The following PPM1E variants were observed in gnomAD, a reference collection of about 807,000 sequenced individuals.
PPM1E encodes protein phosphatase, Mg2+/Mn2+ dependent 1E, also known as protein phosphatase 1E.
Under a neutral mutation model 65.9 loss-of-function variants are expected in PPM1E, and 20 were observed. The observed-to-expected ratio is 0.30, with a 90% CI of 0.21 to 0.44. The LOEUF is 0.44. Ranked by LOEUF, PPM1E falls within the 20% of genes least tolerant of loss-of-function variation. The pLI is 1.00. For synonymous variants in PPM1E, 352 were observed against 374.9 expected (o/e 0.94, Z 0.70); for missense variants, 713 against 953.1 (o/e 0.75, Z 3.32).
chr17:58,764,468 GC>G (rs1266891181), intron 1 of PPM1E, among the ~76,000 whole-genome samples: 1 of 152,100 alleles, frequency 6.6e-6, no homozygotes, highest in African/African-American at 2.4e-5. Flanking sequence ...TTGGGAGCCA[GC>G]CTGTTGCCCA....
intron 1 of PPM1E, among the ~76,000 whole-genome samples, chr17:58,771,391 C>T (rs914238534): frequency 2.0e-5 from 3 of 150,786 alleles, no homozygotes; most frequent in African/African-American, 7.3e-5. Flanking sequence ...TTTGGGAGGC[C>T]GAGGCGGGTG....
intron 1 of PPM1E, among the ~76,000 whole-genome samples, chr17:58,898,847 T>C (rs2051458613): frequency 6.6e-6 from 1 of 152,184 alleles, no homozygotes; most frequent in Non-Finnish European, 1.5e-5. Context: ...GATGCGTTCA[T>C]GTCCTTTGTA....
intron 1 of PPM1E, among the ~76,000 whole-genome samples, chr17:58,889,232 A>C (rs1357352936): frequency 6.6e-6 from 1 of 152,140 alleles, no homozygotes; most frequent in African/African-American, 2.4e-5. Flanking sequence ...GGGAGTTCAT[A>C]CAGTATTTGT....
At chr17:58,816,466 G>A (rs2050415637) in intron 1 of PPM1E, among the ~76,000 whole-genome samples, 1 of 151,264 alleles carries the variant, frequency 6.6e-6, no homozygotes, top group Non-Finnish European at 1.5e-5. Context: ...ACAATGTTGT[G>A]TAATCATCAC....
Position 58,980,651 on chromosome 17 carries a change from T to C in PPM1E, c.1888T>C (p.Phe630Leu). The change falls in exon 7 of 7, where the codon TTC becomes CTC. Residue 630 changes from phenylalanine (F) to leucine (L), a missense_variant. Phe to Leu is a conservative substitution (Grantham distance 22, BLOSUM62 0). This residue lies in a region of PPM1E where 286 missense variants were observed against 313.8 expected (regional missense o/e 0.91). Transcript: ENST00000308249. This position sits in a 1 kb window ranked among gnomAD's most constrained non-coding sequence, Gnocchi z 4.7. ...TGGTGCTGGAGAGTTTCCCACTGCT[T>C]TCAATTTGGGTTCAACAGGGGAGCA... ...WSGAGEFPTA[F>L]NLGSTGEQIY... 6.2e-7 allele frequency: 1 copy of C among 1,614,152 alleles called. No individual in the cohort carries two copies. Among genetic ancestry groups the C allele is most frequent in the Non-Finnish European group, 8.5e-7 (1 of 1,180,018 alleles).
intron 1 of PPM1E, among the ~76,000 whole-genome samples, chr17:58,871,207 C>A (rs2051065506): frequency 6.6e-6 from 1 of 151,904 alleles, no homozygotes; most frequent in South Asian, 2.1e-4. Flanking sequence ...TGGCTAATTT[C>A]TTATATATTT....
At chr17:58,826,872 G>A (rs150499647) in intron 1 of PPM1E, among the ~76,000 whole-genome samples, 67 of 151,918 alleles carry the variant, frequency 4.4e-4, no homozygotes, top group African/African-American at 1.4e-3. Flanking sequence ...CTTGTGATCC[G>A]CCCTCCTCAG....
chr17:58,888,841 A>C (rs1459921323), intron 1 of PPM1E, among the ~76,000 whole-genome samples: 2 of 152,312 alleles, frequency 1.3e-5, no homozygotes, highest in Middle Eastern at 3.4e-3. Context: ...AGATAGTTGA[A>C]TGTCATTTAA....
In PPM1E at chr17:58,980,791, G is replaced by T; in HGVS notation, c.2028G>T (p.Lys676Asn). ...CTCATTTACGCCACCACTACTCAAA[G>T]AAGTGGCACAGATTCAGGTTTAATC... Reference protein sequence around the residue: ...RLSHLRHHYSKKWHRFRFNPK... With the variant: ...RLSHLRHHYSNKWHRFRFNPK... Residue 676 changes from lysine (K) to asparagine (N), a missense_variant, in exon 7 of 7, where the codon AAG becomes AAT. Transcript: ENST00000308249. The surrounding 1 kb of genome is among the most constrained non-coding windows in gnomAD (Gnocchi z 4.7). 1 of 1,614,184 alleles carries T rather than the reference G, an allele frequency of 6.2e-7. No homozygotes were observed. Among genetic ancestry groups the T allele is most frequent in the Non-Finnish European group, 8.5e-7 (1 of 1,180,022 alleles).
At chr17:58,816,693 C>G (rs1233716997) in intron 1 of PPM1E, among the ~76,000 whole-genome samples, 2 of 138,846 alleles carry the variant, frequency 1.4e-5, no homozygotes, top group Non-Finnish European at 3.0e-5. Context: ...TTTCACATAG[C>G]ATAATGTTTT....
chr17:58,859,019 A>C (rs1292240469), intron 1 of PPM1E, among the ~76,000 whole-genome samples: 1 of 152,250 alleles, frequency 6.6e-6, no homozygotes, highest in African/African-American at 2.4e-5. Flanking sequence ...CGTTTATTCA[A>C]GTGCGAAACT....
intron 1 of PPM1E, among the ~76,000 whole-genome samples, chr17:58,810,904 C>CTGGA (rs1052553252): frequency 6.6e-6 from 1 of 152,126 alleles, no homozygotes; most frequent in African/African-American, 2.4e-5. Context: ...CTCACCCAGG[C>CTGGA]TGGAGTACAG....
chr17:58,893,652 C>T (rs1219401690), intron 1 of PPM1E, among the ~76,000 whole-genome samples: 3 of 152,076 alleles, frequency 2.0e-5, no homozygotes, highest in African/African-American at 7.2e-5. Flanking sequence ...TTGATTATAA[C>T]AAATGTACCA....
chr17:58,944,851 G>T (rs2052125770), intron 1 of PPM1E, among the ~76,000 whole-genome samples: 3 of 152,076 alleles, frequency 2.0e-5, no homozygotes, highest in Non-Finnish European at 4.4e-5. Context: ...TGTATACCTA[G>T]GAGTGGAATT....
At chr17:58,934,943 T>G (rs757567878) in intron 1 of PPM1E, among the ~76,000 whole-genome samples, 45 of 139,572 alleles carry the variant, frequency 3.2e-4, no homozygotes, top group Non-Finnish European at 4.9e-4. Flanking sequence ...AAAAAGAAAA[T>G]AAAATAATTT....
At chr17:58,842,453 A>ATG (rs1442594767) in intron 1 of PPM1E, among the ~76,000 whole-genome samples, 2 of 152,212 alleles carry the variant, frequency 1.3e-5, no homozygotes, top group African/African-American at 4.8e-5. Context: ...AAAATGGAAA[A>ATG]TGTGTGTGTA....
intron 6 of PPM1E, among the ~76,000 whole-genome samples, chr17:58,977,017 A>C (rs553893663): frequency 6.6e-6 from 1 of 152,144 alleles, no homozygotes; most frequent in Admixed American, 6.6e-5. Context: ...ATATCTTTTA[A>C]ATTTTTGCAT....
intron 1 of PPM1E, among the ~76,000 whole-genome samples, chr17:58,872,232 G>A (rs989948095): frequency 1.1e-4 from 16 of 152,176 alleles, no homozygotes; most frequent in African/African-American, 3.6e-4. Context: ...AGGAGGCGGA[G>A]GTTGCAGTGA....
chr17:58,841,650 C>T (rs1055939144), intron 1 of PPM1E, among the ~76,000 whole-genome samples: 2 of 151,270 alleles, frequency 1.3e-5, no homozygotes, highest in Admixed American at 6.6e-5. Flanking sequence ...CTCAGCCTCC[C>T]GAGTAGCTGG....
Sources: allele counts gnomAD v4.1 joint callset (sites outside exome capture counted in the v4.1 genomes callset), GRCh38; gene constraint gnomAD v4.1.1; regional missense constraint gnomAD v4.1.1; non-coding constraint Gnocchi (gnomAD v3.1); transcripts MANE v1.5; gene names NCBI Gene and HGNC (gene_info 2026-07-23, HGNC 2026-07-21).